Variants in PPP2R5D observed in about 807,000 individuals in gnomAD.
The protein encoded by PPP2R5D is protein phosphatase 2 regulatory subunit B'delta, also known as serine/threonine-protein phosphatase 2A 56 kDa regulatory subunit delta isoform.
PPP2R5D carries 12 observed loss-of-function variants against 79.1 expected under a neutral mutation model. The observed-to-expected ratio is 0.15, with a 90% CI of 0.10 to 0.25. The LOEUF (loss-of-function observed/expected upper bound fraction) is 0.25. Among genes scored for constraint, PPP2R5D ranks in the 10% least tolerant of loss-of-function variants. PPP2R5D has a pLI of 1.00. For synonymous variants in PPP2R5D, 277 were observed against 286.6 expected (o/e 0.97, Z 0.34); for missense variants, 419 against 760.2 (o/e 0.55, Z 5.28).
In PPP2R5D at chr6:43,006,677, A is replaced by G. The variant is rs1762098019; in HGVS notation, c.320A>G (p.Lys107Arg). 1 of 1,613,644 alleles carries G rather than the reference A, an allele frequency of 6.2e-7. No homozygotes were observed. The highest frequency in any genetic ancestry group is 1.3e-5 in the African/African-American group (1 of 74,888). Residue 107 changes from lysine to arginine, a missense_variant and splice_region_variant, in exon 3 of 16, where the codon AAA becomes AGA. Coordinates refer to ENST00000485511, the MANE Select transcript of PPP2R5D (RefSeq NM_006245.4). The surrounding 1 kb of genome is among the most constrained non-coding windows in gnomAD (Gnocchi z 4.7). ...NRELQKLPAL[K>R]DSPTQEREEL... ...GAGCTGCAGAAGCTTCCTGCCCTGAAAGGTACTTGGCAATTGGTCACAGGG... is the reference window on the plus strand; with the variant it reads ...GAGCTGCAGAAGCTTCCTGCCCTGAGAGGTACTTGGCAATTGGTCACAGGG...
At position 43,010,947 on chromosome 6, in the gene PPP2R5D, G is replaced by C. The variant is rs774927174; in HGVS notation, c.1621G>C (p.Ala541Pro). Residue 541 changes from alanine (A) to proline (P), a missense_variant, in exon 15 of 16, where the codon GCT becomes CCT. This residue lies in a region of PPP2R5D where 84 missense variants were observed against 105.4 expected (regional missense o/e 0.80). Coordinates refer to ENST00000485511, the MANE Select transcript of PPP2R5D (RefSeq NM_006245.4). The surrounding 1 kb of genome is among the most constrained non-coding windows in gnomAD (Gnocchi z 4.7). ...VYSMETETPT[A>P]EDIQLLKRTV... is the part of the protein sequence containing the mutation. ...CTCGATGGAGACAGAGACCCCCACA[G>C]CTGAGGACATCCAGCTTCTGAAGAG... is the stretch of plus-strand genomic sequence containing the variant. The C allele has an allele frequency of 6.2e-7, 1 of 1,614,168 alleles. No individual in the cohort carries two copies.
At chr6:42,990,466 T>C (rs1382636870) in intron 2 of PPP2R5D, among the ~76,000 whole-genome samples, 1 of 152,134 alleles carries the variant, frequency 6.6e-6, no homozygotes, top group Non-Finnish European at 1.5e-5. Context: ...TCTTATGGTT[T>C]TTTGGGAGAA....
Position 43,008,114 on chromosome 6 carries a change from T to C in PPP2R5D, c.857+49T>C. 6.2e-7 allele frequency: 1 copy of C among 1,613,042 alleles called. No individual in the cohort carries two copies. Among genetic ancestry groups the C allele is most frequent in the Non-Finnish European group, 8.5e-7 (1 of 1,179,378 alleles). On this transcript the variant is annotated intron_variant, in intron 7 of 15. Coordinates refer to ENST00000485511, the MANE Select transcript of PPP2R5D (RefSeq NM_006245.4). This position sits in a 1 kb window ranked among gnomAD's most constrained non-coding sequence, Gnocchi z 4.2. ...GGAGCAAAACCTTCTGCTACTGAGG[T>C]GGGGTGGGAGCAGGGAGGTGGGGGG...
chr6:42,993,675 T>TCA (rs1291331778), intron 2 of PPP2R5D, among the ~76,000 whole-genome samples: 3 of 152,218 alleles, frequency 2.0e-5, no homozygotes, highest in African/African-American at 7.2e-5. Context: ...GCCTCTGTCT[T>TCA]CACACAGCAT....
chr6:42,995,299 G>C (rs890512225), intron 2 of PPP2R5D, among the ~76,000 whole-genome samples: 1 of 151,462 alleles, frequency 6.6e-6, no homozygotes, highest in Non-Finnish European at 1.5e-5. Flanking sequence ...GCTCAGCTAA[G>C]TTTTGTATTT....
Position 43,006,545 on chromosome 6 carries a change from C to A in PPP2R5D, c.188C>A (p.Thr63Lys). 1 of 1,614,086 alleles carries A rather than the reference C, an allele frequency of 6.2e-7. No individual in the cohort carries two copies. Among genetic ancestry groups the A allele is most frequent in the South Asian group, 1.1e-5 (1 of 91,084 alleles). The part of the protein sequence containing the change: ...PSSNKRPSNS[T>K]PPPTQLSKIK... ...TCCAACAAGCGTCCCAGCAATAGCA[C>A]GCCGCCCCCCACGCAGCTCAGCAAA... Residue 63 changes from threonine (T) to lysine (K), a missense_variant, in exon 3 of 16, where the codon ACG (threonine) becomes AAG (lysine). Thr to Lys is a moderately conservative substitution (Grantham distance 78, BLOSUM62 -1). This residue lies in a region of PPP2R5D where 110 missense variants were observed against 147.6 expected (regional missense o/e 0.75). Coordinates refer to ENST00000485511, the MANE Select transcript of PPP2R5D (RefSeq NM_006245.4). The surrounding 1 kb of genome is among the most constrained non-coding windows in gnomAD (Gnocchi z 4.7).
rs550732744 is a variant in PPP2R5D at position 42,999,060 on chromosome 6, G to A, written c.106-7403G>A. Among the ~76,000 whole-genome samples the A allele has an allele frequency of 4.6e-5, 7 of 152,148 alleles. No homozygotes were observed. The East Asian group carries it at 5.8e-4, about 13-fold the overall frequency. On this transcript the variant is annotated intron_variant, in intron 2 of 15. Coordinates refer to ENST00000485511, the MANE Select transcript of PPP2R5D (RefSeq NM_006245.4). Reference sequence around the variant, plus strand: ...AAAATAAATAAATAAATAGAGTCCCGAAGTGAAACTGGGCAGGACAAAGTA... The same window carrying A: ...AAAATAAATAAATAAATAGAGTCCCAAAGTGAAACTGGGCAGGACAAAGTA...
chr6:42,986,376 T>C (rs1467149135), intron 1 of PPP2R5D, among the ~76,000 whole-genome samples: 4 of 152,134 alleles, frequency 2.6e-5, no homozygotes, highest in Non-Finnish European at 5.9e-5. Flanking sequence ...ATTTGCCCTC[T>C]GATTGGCTGG....
intron 1 of PPP2R5D, among the ~76,000 whole-genome samples, chr6:42,987,606 C>T (rs1182141425): frequency 6.6e-6 from 1 of 152,156 alleles, no homozygotes; most frequent in Non-Finnish European, 1.5e-5. Flanking sequence ...TGAGTCCAAA[C>T]ATGTTCTTTT....
rs1762360053 is a variant in PPP2R5D at position 43,011,721 on chromosome 6, T to TA, written c.*436dup. ...AGCAGGAGATTATTCTCACCAAAGTTATGTCAAGCCCCATTGGTCCCAGAG... is the reference window on the plus strand; with the variant it reads ...AGCAGGAGATTATTCTCACCAAAGTTAATGTCAAGCCCCATTGGTCCCAGAG... On this transcript the variant is annotated 3_prime_UTR_variant, in exon 16 of 16. Coordinates refer to ENST00000485511, the MANE Select transcript of PPP2R5D (RefSeq NM_006245.4). 1 of 174,010 alleles carries TA rather than the reference T, an allele frequency of 5.7e-6. No individual in the cohort carries two copies. The allele number at this position is 174,010 out of a possible 1,614,324, so 10.8% of individuals were successfully genotyped here.
chr6:43,002,040 A>T (rs2150270793), intron 2 of PPP2R5D, among the ~76,000 whole-genome samples: 1 of 152,268 alleles, frequency 6.6e-6, no homozygotes, highest in East Asian at 1.9e-4. Flanking sequence ...TAGATGAGAA[A>T]ACTGAGGTGC....
Position 43,006,986 on chromosome 6 carries a change from C to T in PPP2R5D, c.398C>T (p.Ser133Leu). The T allele has an allele frequency of 1.2e-6, 2 of 1,614,180 alleles. No homozygotes were observed. The highest frequency in any genetic ancestry group is 1.7e-6 in the Non-Finnish European group (2 of 1,180,040). Residue 133 changes from serine to leucine, a missense_variant, in exon 4 of 16, where the codon TCA (serine) becomes TTA (leucine). Ser to Leu is a moderately radical substitution (Grantham distance 145). Coordinates refer to ENST00000485511, the MANE Select transcript of PPP2R5D (RefSeq NM_006245.4). This position sits in a 1 kb window ranked among gnomAD's most constrained non-coding sequence, Gnocchi z 4.7. ...TGCTGTGTCCTCTTTGACTTCGTGTCAGACCCACTCAGTGACCTCAAATTC... is the reference window on the plus strand; with the variant it reads ...TGCTGTGTCCTCTTTGACTTCGTGTTAGACCCACTCAGTGACCTCAAATTC... ...RQCCVLFDFV[S>L]DPLSDLKFKE...
intron 2 of PPP2R5D, among the ~76,000 whole-genome samples, chr6:42,993,426 G>C (rs145372524): frequency 0.018 from 2,815 of 152,274 alleles, 42 homozygotes; most frequent in Middle Eastern, 0.048. Context: ...AGAGGAGATC[G>C]TGCCATTGCA....
At chr6:42,999,451 A>C (rs902791753) in intron 2 of PPP2R5D, among the ~76,000 whole-genome samples, 4 of 152,236 alleles carry the variant, frequency 2.6e-5, no homozygotes, top group Non-Finnish European at 5.9e-5. Context: ...GGGGCAGGGC[A>C]GACTAAGCCC....
At chr6:42,987,980 C>G (rs1770978589) in intron 1 of PPP2R5D, among the ~76,000 whole-genome samples, 1 of 152,156 alleles carries the variant, frequency 6.6e-6, no homozygotes, top group Non-Finnish European at 1.5e-5. Flanking sequence ...TCTCTCCACC[C>G]CATGCTCTCA....
chr6:42,993,781 A>G (rs1346202464), intron 2 of PPP2R5D, among the ~76,000 whole-genome samples: 1 of 152,192 alleles, frequency 6.6e-6, no homozygotes, highest in Non-Finnish European at 1.5e-5. Flanking sequence ...GTATGATCTC[A>G]TTTTAACTTG....
At chr6:42,992,475 T>C (rs190455129) in intron 2 of PPP2R5D, among the ~76,000 whole-genome samples, 2 of 152,314 alleles carry the variant, frequency 1.3e-5, no homozygotes, top group Admixed American at 1.3e-4. Flanking sequence ...ATTTATTTTA[T>C]AGAGCAGTTA....
At position 43,009,414 on chromosome 6, in the gene PPP2R5D, T is replaced by G. The variant is rs776672514; in HGVS notation, c.1344T>G (p.Pro448=). ...CCCGAGTCCTCCCCATCATGTTCCC[T>G]GCACTCTACAGGAACTCCAAGAGCC... ...NAARVLPIMF[P]ALYRNSKSHW... is the part of the protein sequence containing the mutation. Residue 448 remains proline, a synonymous_variant, in exon 12 of 16, where the codon CCT becomes CCG. Coordinates refer to ENST00000485511, the MANE Select transcript of PPP2R5D (RefSeq NM_006245.4). The surrounding 1 kb of genome is among the most constrained non-coding windows in gnomAD (Gnocchi z 5.6). 6.2e-7 allele frequency: 1 copy of G among 1,613,976 alleles called. No homozygotes were observed. The highest frequency in any genetic ancestry group is 1.3e-5 in the African/African-American group (1 of 74,874).
rs1385749248 is a variant in PPP2R5D, at chr6:43,006,105, T to C, written c.106-358T>C. 6.6e-6 allele frequency among the ~76,000 whole-genome samples: 1 copy of C among 152,204 alleles called. No individual in the cohort carries two copies. The highest frequency in any genetic ancestry group is 1.9e-4 in the East Asian group (1 of 5,202). ...TATTCCTCATGTGTCTTCTTATTCA[T>C]CATGTGTCTTCTTAGCAATACCCAC... is the stretch of plus-strand genomic sequence containing the variant. On this transcript the variant is annotated intron_variant, in intron 2 of 15. Transcript: ENST00000485511. This position sits in a 1 kb window ranked among gnomAD's most constrained non-coding sequence, Gnocchi z 4.7.
Sources: gnomAD v4.1 joint callset for allele counts (sites outside exome capture counted in the v4.1 genomes callset) on GRCh38, gnomAD v4.1.1 for gene constraint, gnomAD v4.1.1 regional missense constraint, Gnocchi (gnomAD v3.1) non-coding constraint, MANE v1.5 for transcripts, NCBI Gene and HGNC (gene_info 2026-07-23, HGNC 2026-07-21) for gene names.